KIF1B: variants seen among roughly 807,000 people sequenced by gnomAD.
The protein encoded by KIF1B is kinesin-like protein KIF1B.
KIF1B carries 76 observed loss-of-function variants against 241.9 expected under a neutral mutation model. That is an observed-to-expected ratio of 0.31 (90% CI 0.26 to 0.38). The LOEUF (loss-of-function observed/expected upper bound fraction) is 0.38, where lower values mean the gene tolerates loss of function less well. Among genes scored for constraint, KIF1B ranks in the 10% least tolerant of loss-of-function variants. KIF1B has a pLI of 1.00. For synonymous variants in KIF1B, 750 were observed against 796.7 expected (o/e 0.94, Z 0.99); for missense variants, 1,622 against 2,271.4 (o/e 0.71, Z 5.81).
At position 10,235,611 on chromosome 1, in the gene KIF1B, T is replaced by G. The variant is rs568024573; in HGVS notation, c.106+3177T>G. Among the ~76,000 whole-genome samples, 73 of 152,246 alleles carry G rather than the reference T, an allele frequency of 4.8e-4. 2 individuals are homozygous for G. The South Asian group carries it at 0.015, about 31-fold the overall frequency. On this transcript the variant is annotated intron_variant, in intron 2 of 48. Transcript: ENST00000676179. The stretch of plus-strand genomic sequence containing the variant: ...TGCAGTGGCTCATGCCTGTAATCCC[T>G]GCACTTTGGGAGGCCGAGGTGGGTG...
intron 1 of KIF1B, among the ~76,000 whole-genome samples, chr1:10,225,550 A>G (rs945591260): frequency 6.6e-6 from 1 of 152,176 alleles, no homozygotes. Flanking sequence ...TAGAGGAGCA[A>G]TTGTATTTGG....
intron 27 of KIF1B, among the ~76,000 whole-genome samples, chr1:10,330,986 T>G (rs1651900570): frequency 6.6e-6 from 1 of 151,626 alleles, no homozygotes; most frequent in African/African-American, 2.4e-5. Flanking sequence ...TGAGGCTGGG[T>G]GTGGTAGCTC....
In KIF1B at chr1:10,342,053, G is replaced by T; in HGVS notation, c.3517G>T (p.Ala1173Ser). The T allele has an allele frequency of 6.3e-7, 1 of 1,578,884 alleles. No individual in the cohort carries two copies. Among genetic ancestry groups the T allele is most frequent in the Non-Finnish European group, 8.7e-7 (1 of 1,148,298 alleles). ...TCCTAATCTTGCTTGGCTTTAGATTGCAGTGGAGATCACTGAATCATTTGT... is the reference window on the plus strand; with the variant it reads ...TCCTAATCTTGCTTGGCTTTAGATTTCAGTGGAGATCACTGAATCATTTGT... The part of the protein sequence containing the change: ...PLAFYHVQNI[A>S]VEITESFVDY... Residue 1173 changes from alanine (A) to serine (S), a missense_variant, in exon 33 of 49, where the codon GCA becomes TCA. This residue lies in a region of KIF1B where 803 missense variants were observed against 1,112.0 expected (regional missense o/e 0.72). Transcript: ENST00000676179.
chr1:10,367,570 T>C (rs1238366788), intron 43 of KIF1B, among the ~76,000 whole-genome samples: 1 of 151,408 alleles, frequency 6.6e-6, no homozygotes, highest in Non-Finnish European at 1.5e-5. Flanking sequence ...AGTCTTGCTC[T>C]GTGGCCCACG....
At chr1:10,295,240 G>T in intron 18 of KIF1B, 75 bp downstream of exon 18, 1 of 925,562 alleles carries the variant, frequency 1.1e-6, no homozygotes, top group Non-Finnish European at 1.8e-6. Context: ...AAGGGAAGGG[G>T]TTGAAAAAAT....
In KIF1B at chr1:10,337,167, A is replaced by G; in HGVS notation, c.3223A>G (p.Thr1075Ala). The change falls in exon 30 of 49, where the codon ACT (threonine) becomes GCT (alanine). Residue 1075 changes from threonine (T) to alanine (A), a missense_variant. Thr to Ala is a moderately conservative substitution (Grantham distance 58, BLOSUM62 0). Transcript: ENST00000676179. The surrounding 1 kb of genome is among the most constrained non-coding windows in gnomAD (Gnocchi z 4.0). ...ACAGGGTCAGAGTTCTGAGGTCATC[A>G]CTCCTCCAGAAGAAATCAGTCGAAT... Reference protein sequence around the residue: ...EGQGQSSEVITPPEEISRIND... With the variant: ...EGQGQSSEVIAPPEEISRIND... 1 of 1,614,012 alleles carries G rather than the reference A, an allele frequency of 6.2e-7. No individual in the cohort carries two copies. Among genetic ancestry groups the G allele is most frequent in the Non-Finnish European group, 8.5e-7 (1 of 1,180,000 alleles).
At chr1:10,333,862 G>A (rs11121542) in intron 27 of KIF1B, among the ~76,000 whole-genome samples, 13,862 of 150,742 alleles carry the variant, frequency 0.092, 886 homozygotes, top group South Asian at 0.18. Context: ...AAATTAAAAG[G>A]TTAAGCTCGC....
intron 15 of KIF1B, among the ~76,000 whole-genome samples, chr1:10,287,998 C>T (rs1174188288): frequency 6.6e-6 from 1 of 152,092 alleles, no homozygotes; most frequent in Non-Finnish European, 1.5e-5. Context: ...TGAAGGTTTT[C>T]ACTTTGAGAA....
intron 1 of KIF1B, among the ~76,000 whole-genome samples, chr1:10,215,395 C>T (rs2027329): frequency 0.32 from 47,574 of 150,854 alleles, 7,829 homozygotes; most frequent in Middle Eastern, 0.37. Context: ...AGGCTGGTCT[C>T]GAACTCCCGA....
At chr1:10,224,871 A>G (rs1166396124) in intron 1 of KIF1B, among the ~76,000 whole-genome samples, 1 of 152,108 alleles carries the variant, frequency 6.6e-6, no homozygotes, top group Non-Finnish European at 1.5e-5. Flanking sequence ...AGCCCCAGGG[A>G]CTGGTTTTGT....
chr1:10,299,675 C>T (rs1650443016), intron 22 of KIF1B, among the ~76,000 whole-genome samples: 1 of 152,138 alleles, frequency 6.6e-6, no homozygotes, highest in African/African-American at 2.4e-5. Flanking sequence ...GTTTTCTATT[C>T]TGATAGTTCC....
chr1:10,356,815 G>A (rs1278561502), intron 38 of KIF1B, among the ~76,000 whole-genome samples: 4 of 151,876 alleles, frequency 2.6e-5, no homozygotes, highest in African/African-American at 9.7e-5. Flanking sequence ...CAGGAGAATC[G>A]CTTGAACCTG....
At chr1:10,339,275 C>G (rs539869691) in intron 31 of KIF1B, among the ~76,000 whole-genome samples, 1 of 152,114 alleles carries the variant, frequency 6.6e-6, no homozygotes, top group African/African-American at 2.4e-5. Context: ...AGGAAAAAAA[C>G]ATTACTAGTA....
chr1:10,213,946 G>C (rs114735180), intron 1 of KIF1B, among the ~76,000 whole-genome samples: 1 of 151,696 alleles, frequency 6.6e-6, no homozygotes, highest in Non-Finnish European at 1.5e-5. Flanking sequence ...AGACAAGCTT[G>C]GACAACATAG....
intron 24 of KIF1B, among the ~76,000 whole-genome samples, chr1:10,322,324 C>A (rs1370778329): frequency 6.6e-6 from 1 of 152,124 alleles, no homozygotes; most frequent in Non-Finnish European, 1.5e-5. Context: ...CCCAGCTCCA[C>A]GAGTGGTGTT....
rs767234114 is a variant in KIF1B at position 10,334,942 on chromosome 1, G to GTT, written c.3043+317_3043+318dup. ...ACTATATAAAAGTCATTGGTGTGTT[G>GTT]TTTTTTTTTTTTTTGAGACAGGGTC... On this transcript the variant is annotated intron_variant, in intron 28 of 48. Coordinates refer to ENST00000676179, the MANE Select transcript of KIF1B (RefSeq NM_001365951.3). 6.0e-4 allele frequency among the ~76,000 whole-genome samples: 85 copies of GTT among 141,238 alleles called. 1 individual carries two copies. The highest frequency in any genetic ancestry group is 1.0e-3 in the Non-Finnish European group (67 of 64,092). The allele number at this position is 141,238 out of a possible 152,430, so 92.7% of individuals were successfully genotyped here.
rs1435615537 is a variant in KIF1B, at chr1:10,232,346, G to A, written c.18G>A (p.Val6=). The A allele has an allele frequency of 1.2e-6, 2 of 1,613,578 alleles. No homozygotes were observed. Among genetic ancestry groups the A allele is most frequent in the Non-Finnish European group, 1.7e-6 (2 of 1,179,566 alleles). Reference sequence around the variant, plus strand: ...CCATTAAAATGTCGGGAGCCTCAGTGAAGGTGGCTGTCCGGGTAAGGCCCT... The same window carrying A: ...CCATTAAAATGTCGGGAGCCTCAGTAAAGGTGGCTGTCCGGGTAAGGCCCT... MSGAS[V]KVAVRVRPFN... Residue 6 remains valine, a synonymous_variant, in exon 2 of 49, where the codon GTG becomes GTA. Coordinates refer to ENST00000676179, the MANE Select transcript of KIF1B (RefSeq NM_001365951.3).
At chr1:10,221,518 C>G (rs752558180) in intron 1 of KIF1B, among the ~76,000 whole-genome samples, 7 of 152,114 alleles carry the variant, frequency 4.6e-5, no homozygotes, top group Non-Finnish European at 1.0e-4. Flanking sequence ...CACACCAATT[C>G]TTAAATTTTG....
chr1:10,350,453 G>C (rs964885663), intron 37 of KIF1B, among the ~76,000 whole-genome samples: 1 of 140,090 alleles, frequency 7.1e-6, no homozygotes, highest in Non-Finnish European at 1.5e-5. Flanking sequence ...CCAACTGCTC[G>C]GGAGGCTGAG....
Sources: allele counts gnomAD v4.1 joint callset (sites outside exome capture counted in the v4.1 genomes callset), GRCh38; gene constraint gnomAD v4.1.1; regional missense constraint gnomAD v4.1.1; non-coding constraint Gnocchi (gnomAD v3.1); transcripts MANE v1.5; gene names NCBI Gene and HGNC (gene_info 2026-07-23, HGNC 2026-07-21).